RYR2: variants seen among roughly 807,000 people sequenced by gnomAD.
RYR2 encodes ryanodine receptor 2, also known as cardiac muscle ryanodine receptor-calcium release channel.
Under a neutral mutation model 601.1 loss-of-function variants are expected in RYR2, and 227 were observed. That is an observed-to-expected ratio of 0.38 (90% CI 0.34 to 0.42). The LOEUF is 0.42. RYR2 is among the 10% of genes least tolerant of loss of function. RYR2 has a pLI of 1.00. For missense variants in RYR2, 4,646 were observed against 6,156.5 expected (o/e 0.75, Z 8.21); for synonymous variants, 2,223 against 2,175.1 (o/e 1.02, Z -0.61).
intron 1 of RYR2, among the ~76,000 whole-genome samples, chr1:237,207,743 C>T (rs1681980851): frequency 1.3e-5 from 2 of 152,170 alleles, no homozygotes; most frequent in Non-Finnish European, 2.9e-5. Flanking sequence ...ACTGAGACAC[C>T]ACTAGTAGAA....
At chr1:237,573,419 G>A (rs1672905168) in intron 29 of RYR2, among the ~76,000 whole-genome samples, 1 of 151,484 alleles carries the variant, frequency 6.6e-6, no homozygotes, top group African/African-American at 2.4e-5. Context: ...AGTATAAGTT[G>A]TTTCTATATA....
Position 237,593,478 on chromosome 1 carries a change from CT to C in RYR2, c.4279del (p.Tyr1427IlefsTer4). 6.2e-7 allele frequency: 1 copy of C among 1,612,182 alleles called. No individual in the cohort carries two copies. The highest frequency in any genetic ancestry group is 8.5e-7 in the Non-Finnish European group (1 of 1,179,280). ...ATTTGGTTCTGCTATCTTCACAGTA[CT>C]ATTACTCAGTGAGAATCTTTCCTGG... ...YDFLMQTSTY[Y>X]YSVRIFPGQE... On this transcript the variant is annotated frameshift_variant, in exon 33 of 105. Transcript: ENST00000366574. LOFTEE classifies it high-confidence loss of function.
At position 237,641,471 on chromosome 1, in the gene RYR2, G is replaced by GTCTTTCTTTCTTTCTT. The variant is rs796832994; in HGVS notation, c.7221+511_7221+526dup. ...AGACCATATAAATTAGTGTCTGTCT[G>GTCTTTCTTTCTTTCTT]TCTTTCTTTCTTTCTTTCTTTCTTT... On this transcript the variant is annotated intron_variant, in intron 47 of 104. Transcript: ENST00000366574. Among the ~76,000 whole-genome samples the GTCTTTCTTTCTTTCTT allele has an allele frequency of 6.7e-4, 73 of 108,696 alleles. 1 individual carries two copies. The highest frequency in any genetic ancestry group is 3.8e-3 in the South Asian group (12 of 3,146). 71.3% of individuals were successfully genotyped at this position (108,696 alleles called of 152,430 possible). A position where few individuals can be genotyped will look rare whatever the true frequency, so the allele number is the denominator to read the frequency against.
chr1:237,051,033 T>C (rs1349091310), intron 1 of RYR2, among the ~76,000 whole-genome samples: 3 of 152,228 alleles, frequency 2.0e-5, no homozygotes, highest in African/African-American at 7.2e-5. Flanking sequence ...TCACCAATTT[T>C]GACTGTGGTG....
At chr1:237,535,659 T>C (rs75399550) in intron 25 of RYR2, among the ~76,000 whole-genome samples, 1,591 of 152,184 alleles carry the variant, frequency 0.01, 27 homozygotes, top group African/African-American at 0.037. Context: ...GAAGTTATAG[T>C]CCATTGCTAT....
At chr1:237,374,357 TG>T (rs1700863396) in intron 6 of RYR2, among the ~76,000 whole-genome samples, 1 of 149,248 alleles carries the variant, frequency 6.7e-6, no homozygotes, top group Admixed American at 6.7e-5. Context: ...CTCATCTCTA[TG>T]GAAAAAAAAA....
chr1:237,774,499 G>A (rs546659904), intron 87 of RYR2, among the ~76,000 whole-genome samples: 87 of 152,182 alleles, frequency 5.7e-4, no homozygotes, highest in African/African-American at 2.0e-3. Flanking sequence ...AGGCTCACTC[G>A]CCTCTGCATT....
chr1:237,545,765 A>AT (rs1369941998), intron 25 of RYR2, among the ~76,000 whole-genome samples: 1 of 151,982 alleles, frequency 6.6e-6, no homozygotes, highest in Non-Finnish European at 1.5e-5. Context: ...AAAAAAAAAA[A>AT]AAATACTTTC....
At chr1:237,471,488 G>A (rs1660716787) in intron 17 of RYR2, among the ~76,000 whole-genome samples, 1 of 152,186 alleles carries the variant, frequency 6.6e-6, no homozygotes, top group Admixed American at 6.5e-5. Flanking sequence ...AGAATCACTG[G>A]AAAGCTACAG....
intron 1 of RYR2, among the ~76,000 whole-genome samples, chr1:237,215,542 T>C (rs1683062269): frequency 6.6e-6 from 1 of 152,234 alleles, no homozygotes. Context: ...GCAGGTATTT[T>C]GGTGCTATAG....
At chr1:237,537,287 C>T (rs1319249763) in intron 25 of RYR2, among the ~76,000 whole-genome samples, 4 of 152,206 alleles carry the variant, frequency 2.6e-5, no homozygotes, top group South Asian at 2.1e-4. Context: ...TAAATTTCCA[C>T]CAAATTCCCA....
chr1:237,232,605 G>A (rs1685115778), intron 1 of RYR2, among the ~76,000 whole-genome samples: 1 of 152,160 alleles, frequency 6.6e-6, no homozygotes, highest in Non-Finnish European at 1.5e-5. Flanking sequence ...CCCAAGGAGA[G>A]GGTCATGCTC....
chr1:237,344,080 C>T (rs1333329656), intron 3 of RYR2, among the ~76,000 whole-genome samples: 1 of 152,150 alleles, frequency 6.6e-6, no homozygotes, highest in African/African-American at 2.4e-5. Flanking sequence ...GCCTTGGCCT[C>T]CCAAAGTGCT....
intron 14 of RYR2, among the ~76,000 whole-genome samples, chr1:237,446,653 G>A (rs1054425180): frequency 3.3e-5 from 5 of 152,034 alleles, no homozygotes; most frequent in Non-Finnish European, 1.5e-5. Context: ...CACACTGTGT[G>A]TATATGTGTG....
intron 25 of RYR2, among the ~76,000 whole-genome samples, chr1:237,531,493 G>A (rs1020257142): frequency 1.3e-5 from 2 of 152,182 alleles, no homozygotes; most frequent in African/African-American, 2.4e-5. Context: ...CAGGCCTGTA[G>A]ATGTATTAAA....
chr1:237,516,288 G>A (rs1218715442), intron 24 of RYR2, among the ~76,000 whole-genome samples: 3 of 134,456 alleles, frequency 2.2e-5, no homozygotes, highest in Non-Finnish European at 3.3e-5. Flanking sequence ...TTTTTCTTTC[G>A]TATTTTTTTT....
At chr1:237,234,832 T>C (rs1225059177) in intron 1 of RYR2, among the ~76,000 whole-genome samples, 2 of 152,190 alleles carry the variant, frequency 1.3e-5, no homozygotes, top group African/African-American at 4.8e-5. Flanking sequence ...ATGTAGGGGA[T>C]TCAAAGTTGT....
intron 24 of RYR2, among the ~76,000 whole-genome samples, chr1:237,527,421 G>A (rs1252000280): frequency 3.3e-5 from 5 of 152,114 alleles, no homozygotes; most frequent in Non-Finnish European, 7.4e-5. Flanking sequence ...CATAAAATTA[G>A]CCATCACACA....
chr1:237,209,414 CAT>C (rs1267949440), intron 1 of RYR2, among the ~76,000 whole-genome samples: 2 of 151,180 alleles, frequency 1.3e-5, no homozygotes, highest in Non-Finnish European at 2.9e-5. Context: ...TTGCATATGA[CAT>C]ATAGATATAT....
Sources: allele counts gnomAD v4.1 joint callset (sites outside exome capture counted in the v4.1 genomes callset), GRCh38; gene constraint gnomAD v4.1.1; transcripts MANE v1.5; gene names NCBI Gene and HGNC (gene_info 2026-07-23, HGNC 2026-07-21).